CAMK4: variants seen among roughly 807,000 people sequenced by gnomAD.
The protein encoded by CAMK4 is calcium/calmodulin-dependent protein kinase type IV.
CAMK4 carries 22 observed loss-of-function variants against 44.9 expected under a neutral mutation model. The observed-to-expected ratio is 0.49, with a 90% CI of 0.35 to 0.70. The LOEUF (loss-of-function observed/expected upper bound fraction) is 0.70. Among genes scored for constraint, CAMK4 ranks in the 30% least tolerant of loss-of-function variants. The pLI is 0.01. For synonymous variants in CAMK4, 218 were observed against 215.4 expected, an observed-to-expected ratio of 1.01 and a Z score of -0.11; for missense variants, 498 against 586.8, an observed-to-expected ratio of 0.85 and a Z score of 1.56.
chr5:111,349,816 T>C (rs1165446687), intron 2 of CAMK4, among the ~76,000 whole-genome samples: 1 of 152,008 alleles, frequency 6.6e-6, no homozygotes, highest in African/African-American at 2.4e-5. Context: ...CAATAATTTA[T>C]AGTATCTCTA....
At chr5:111,288,043 T>C (rs1387577230) in intron 1 of CAMK4, among the ~76,000 whole-genome samples, 1 of 152,230 alleles carries the variant, frequency 6.6e-6, no homozygotes, top group East Asian at 1.9e-4. Flanking sequence ...TTTCCTGTTT[T>C]GAATTTTATA....
chr5:111,243,648 T>C (rs1419803542), intron 1 of CAMK4, among the ~76,000 whole-genome samples: 1 of 152,166 alleles, frequency 6.6e-6, no homozygotes, highest in Non-Finnish European at 1.5e-5. Context: ...GCCAATATCT[T>C]CTTGTTTTTT....
At chr5:111,353,766 T>A (rs1750212010) in intron 2 of CAMK4, among the ~76,000 whole-genome samples, 1 of 152,050 alleles carries the variant, frequency 6.6e-6, no homozygotes, top group African/African-American at 2.4e-5. Context: ...CATCAAAAAC[T>A]TAAAATGCTT....
intron 1 of CAMK4, among the ~76,000 whole-genome samples, chr5:111,308,258 T>G (rs306084): frequency 6.9e-6 from 1 of 144,034 alleles, no homozygotes; most frequent in Admixed American, 7.2e-5. Flanking sequence ...AATAAAAAAA[T>G]AAAATAAAAT....
chr5:111,232,591 G>A (rs752837616), intron 1 of CAMK4, among the ~76,000 whole-genome samples: 3 of 152,092 alleles, frequency 2.0e-5, no homozygotes, highest in Non-Finnish European at 4.4e-5. Context: ...AAAACAAAAA[G>A]AGTAGGCTTG....
At chr5:111,330,343 G>A (rs1325011966) in intron 1 of CAMK4, among the ~76,000 whole-genome samples, 1 of 151,534 alleles carries the variant, frequency 6.6e-6, no homozygotes, top group Non-Finnish European at 1.5e-5. Context: ...AGAAATAAAA[G>A]GAAACCTAAA....
intron 5 of CAMK4, among the ~76,000 whole-genome samples, chr5:111,429,284 T>C (rs576896430): frequency 7.5e-4 from 114 of 152,076 alleles, no homozygotes; most frequent in Non-Finnish European, 1.3e-3. Flanking sequence ...ATAAATAAAA[T>C]CAGAGGTGTA....
chr5:111,376,777 T>C, intron 3 of CAMK4, 83 bp from the exon 4 acceptor site: 1 of 746,938 alleles, frequency 1.3e-6, no homozygotes. Context: ...CTGCAGAATG[T>C]TGTTTTAGCC....
At chr5:111,224,345 G>A (rs1748053697), upstream of CAMK4, 2 of 1,220,066 alleles carry the variant, frequency 1.6e-6, no homozygotes, top group Non-Finnish European at 2.1e-6. The surrounding 1 kb of genome is among the most constrained non-coding windows in gnomAD (Gnocchi z 5.7). Context: ...GAGCGCGGGC[G>A]GCGGCGGTGG....
At chr5:111,405,377 A>C (rs2112883114) in intron 5 of CAMK4, among the ~76,000 whole-genome samples, 1 of 152,296 alleles carries the variant, frequency 6.6e-6, no homozygotes, top group East Asian at 1.9e-4. Context: ...CTGAGGCAGG[A>C]GAATCATTTG....
intron 1 of CAMK4, among the ~76,000 whole-genome samples, chr5:111,328,815 C>A (rs1295637936): frequency 6.6e-6 from 1 of 151,930 alleles, no homozygotes; most frequent in African/African-American, 2.4e-5. Context: ...CTCTGTTTGT[C>A]TGTTATTGGT....
intron 4 of CAMK4, among the ~76,000 whole-genome samples, chr5:111,385,423 A>G (rs1751562854): frequency 6.6e-6 from 1 of 152,122 alleles, no homozygotes; most frequent in Admixed American, 6.6e-5. Flanking sequence ...ATGATGTTCA[A>G]AAGCACAATT....
intron 1 of CAMK4, among the ~76,000 whole-genome samples, chr5:111,338,209 C>T (rs1447932529): frequency 1.3e-5 from 2 of 151,004 alleles, no homozygotes; most frequent in African/African-American, 4.8e-5. Context: ...ATATGAATTA[C>T]CTCATTTTTA....
At chr5:111,313,731 T>C in intron 1 of CAMK4, among the ~76,000 whole-genome samples, 1 of 152,110 alleles carries the variant, frequency 6.6e-6, no homozygotes, top group East Asian at 1.9e-4. Flanking sequence ...TTCATTTTAA[T>C]TGTCAAAGAA....
At chr5:111,251,170 G>C (rs1352809262) in intron 1 of CAMK4, among the ~76,000 whole-genome samples, 2 of 152,190 alleles carry the variant, frequency 1.3e-5, no homozygotes, top group African/African-American at 4.8e-5. Flanking sequence ...TTCATGAAGT[G>C]ATTGTTCTGT....
intron 1 of CAMK4, among the ~76,000 whole-genome samples, chr5:111,326,099 A>G (rs1748877264): frequency 1.3e-5 from 2 of 152,062 alleles, no homozygotes; most frequent in African/African-American, 4.8e-5. Flanking sequence ...AGTAGAAAAG[A>G]GGAAATAAAG....
intron 1 of CAMK4, among the ~76,000 whole-genome samples, chr5:111,322,495 A>G (rs529326467): frequency 1.3e-5 from 2 of 152,300 alleles, no homozygotes; most frequent in African/African-American, 4.8e-5. Context: ...TTTATCAGCA[A>G]TGTAACTGCC....
intron 1 of CAMK4, among the ~76,000 whole-genome samples, chr5:111,240,566 A>G (rs182592774): frequency 2.0e-5 from 3 of 152,192 alleles, no homozygotes; most frequent in Non-Finnish European, 2.9e-5. Flanking sequence ...TCATTGCAGT[A>G]CTTAAGAAAA....
At chr5:111,303,638 T>A (rs1202226669) in intron 1 of CAMK4, among the ~76,000 whole-genome samples, 1 of 138,502 alleles carries the variant, frequency 7.2e-6, no homozygotes, top group Non-Finnish European at 1.5e-5. Context: ...CTGAAAGTGA[T>A]GTGGAGAATG....
Sources: allele counts gnomAD v4.1 joint callset (sites outside exome capture counted in the v4.1 genomes callset), GRCh38; gene constraint gnomAD v4.1.1; non-coding constraint Gnocchi (gnomAD v3.1); transcripts MANE v1.5; gene names NCBI Gene and HGNC (gene_info 2026-07-23, HGNC 2026-07-21).